The following RANBP2 variants were observed in gnomAD, a reference collection of about 807,000 sequenced individuals.
The protein encoded by RANBP2 is RAN binding protein 2.
Under a neutral mutation model 303.6 loss-of-function variants are expected in RANBP2, and 57 were observed. That is an observed-to-expected ratio of 0.19 (90% CI 0.15 to 0.23). The LOEUF is 0.23. Among genes scored for constraint, RANBP2 ranks in the 10% least tolerant of loss-of-function variants. The pLI, the probability that RANBP2 is intolerant of heterozygous loss-of-function variation, is 1.00. For synonymous variants in RANBP2, 1,167 were observed against 1,301.5 expected (o/e 0.90, Z 2.23); for missense variants, 3,138 against 3,780.8 (o/e 0.83, Z 4.46).
the RANBP2 span, among the ~76,000 whole-genome samples, chr2:109,130,506 T>A: frequency 6.6e-6 from 1 of 152,140 alleles, no homozygotes; most frequent in South Asian, 2.1e-4. Flanking sequence ...AGTTAGCCCT[T>A]AACGTTTCTG....
At chr2:109,061,821 G>C in the RANBP2 span, among the ~76,000 whole-genome samples, 13 of 152,158 alleles carry the variant, frequency 8.5e-5, no homozygotes, top group African/African-American at 2.9e-4. Context: ...TGGGCCCGTG[G>C]ACTTGTTTCC....
At chr2:109,449,730 T>G in the RANBP2 span, among the ~76,000 whole-genome samples, 14 of 152,244 alleles carry the variant, frequency 9.2e-5, no homozygotes, top group Admixed American at 7.8e-4. Flanking sequence ...ACATTTCTCA[T>G]GCAAATCAGA....
chr2:109,615,209 C>T, the RANBP2 span: 2 of 1,545,792 alleles, frequency 1.3e-6, no homozygotes, highest in Admixed American at 3.9e-5. Flanking sequence ...GAGGCGGGGG[C>T]GACTCAGACA....
At chr2:109,361,284 T>C in the RANBP2 span, among the ~76,000 whole-genome samples, 1 of 152,236 alleles carries the variant, frequency 6.6e-6, no homozygotes, top group Non-Finnish European at 1.5e-5. Flanking sequence ...GTCTGTAATT[T>C]TCTTGCAATG....
the RANBP2 span, among the ~76,000 whole-genome samples, chr2:109,318,474 T>C: frequency 6.6e-6 from 1 of 152,184 alleles, no homozygotes; most frequent in Non-Finnish European, 1.5e-5. Flanking sequence ...CATACGCGTT[T>C]ATCTGAGTGA....
Position 108,766,238 on chromosome 2 carries a change from T to G in RANBP2, c.5699T>G (p.Phe1900Cys). The G allele has an allele frequency of 6.2e-7, 1 of 1,612,184 alleles. No homozygotes were observed. Residue 1900 changes from phenylalanine (F) to cysteine (C), a missense_variant, in exon 20 of 29, where the codon TTT becomes TGT. Physicochemically the swap from Phe to Cys is radical, Grantham distance 205. Transcript: ENST00000283195. The part of the protein sequence containing the change: ...SIPVSADGFK[F>C]GISEPGNQEK... The stretch of plus-strand genomic sequence containing the variant: ...CCTGTGTCTGCTGATGGATTTAAAT[T>G]TGGCATTTCGGAACCAGGAAATCAA...
chr2:109,544,257 T>G, the RANBP2 span: 2 of 1,613,146 alleles, frequency 1.2e-6, no homozygotes, highest in South Asian at 1.1e-5. Flanking sequence ...CTAGTTTTTT[T>G]TTAATAAAGT....
At chr2:109,324,736 A>G in the RANBP2 span, among the ~76,000 whole-genome samples, 5 of 152,330 alleles carry the variant, frequency 3.3e-5, no homozygotes, top group South Asian at 8.3e-4. Context: ...GAATTGCTGC[A>G]TAAGCGCCAA....
At chr2:109,490,670 C>T in the RANBP2 span, 1 of 1,521,166 alleles carries the variant, frequency 6.6e-7, no homozygotes, top group Admixed American at 2.0e-5. Flanking sequence ...AGTCACGCTC[C>T]CCGCCATCTG....
the RANBP2 span, among the ~76,000 whole-genome samples, chr2:109,084,697 C>T: frequency 6.6e-6 from 1 of 152,264 alleles, no homozygotes; most frequent in South Asian, 2.1e-4. Flanking sequence ...CTGTTAGGAA[C>T]AACACAAAGG....
At chr2:109,619,402 T>TC in the RANBP2 span, among the ~76,000 whole-genome samples, 1 of 152,184 alleles carries the variant, frequency 6.6e-6, no homozygotes, top group Non-Finnish European at 1.5e-5. Context: ...AGGGCTGACT[T>TC]CAAGACAGGT....
the RANBP2 span, among the ~76,000 whole-genome samples, chr2:108,850,803 G>GT: frequency 6.6e-6 from 1 of 152,050 alleles, no homozygotes; most frequent in Non-Finnish European, 1.5e-5. Flanking sequence ...CTTTAACTGT[G>GT]TTTTTTCTCT....
the RANBP2 span, among the ~76,000 whole-genome samples, chr2:108,838,739 C>T: frequency 6.6e-6 from 1 of 151,910 alleles, no homozygotes; most frequent in Non-Finnish European, 1.5e-5. Flanking sequence ...TTTAAAAAAT[C>T]CTTTCATATA....
the RANBP2 span, among the ~76,000 whole-genome samples, chr2:109,467,283 G>A: frequency 6.6e-6 from 1 of 152,234 alleles, no homozygotes; most frequent in African/African-American, 2.4e-5. Context: ...GCTCAACCCT[G>A]CAAAGGGGCA....
chr2:109,242,232 C>T, the RANBP2 span, among the ~76,000 whole-genome samples: 1 of 152,126 alleles, frequency 6.6e-6, no homozygotes, highest in African/African-American at 2.4e-5. Context: ...AGCACCTTGG[C>T]ACCATCTGGG....
At chr2:108,946,208 A>G in the RANBP2 span, among the ~76,000 whole-genome samples, 1 of 152,224 alleles carries the variant, frequency 6.6e-6, no homozygotes, top group African/African-American at 2.4e-5. Flanking sequence ...GCACCAGGGC[A>G]TGACTGGGTA....
At chr2:108,987,707 T>C in the RANBP2 span, among the ~76,000 whole-genome samples, 2 of 152,142 alleles carry the variant, frequency 1.3e-5, no homozygotes, top group Non-Finnish European at 2.9e-5. Context: ...AGGGGTACAG[T>C]GGAGACCCCC....
chr2:109,601,216 T>C, the RANBP2 span, among the ~76,000 whole-genome samples: 4 of 152,216 alleles, frequency 2.6e-5, no homozygotes, highest in African/African-American at 4.8e-5. Flanking sequence ...TAATCTTGCC[T>C]TGTTCTTTCT....
chr2:109,690,438 G>A, the RANBP2 span, among the ~76,000 whole-genome samples: 1 of 152,210 alleles, frequency 6.6e-6, no homozygotes, highest in African/African-American at 2.4e-5. Flanking sequence ...ATCTCAGTGA[G>A]CAGAGGGATG....
Sources: allele counts gnomAD v4.1 joint callset (sites outside exome capture counted in the v4.1 genomes callset), GRCh38; gene constraint gnomAD v4.1.1; transcripts MANE v1.5; gene names NCBI Gene and HGNC (gene_info 2026-07-23, HGNC 2026-07-21).